RGS6: variants seen among roughly 807,000 people sequenced by gnomAD.
RGS6 encodes regulator of G-protein signaling 6.
Under a neutral mutation model 78.5 loss-of-function variants are expected in RGS6, and 30 were observed. That is an observed-to-expected ratio of 0.38 (90% confidence interval 0.29 to 0.52). The LOEUF (loss-of-function observed/expected upper bound fraction) is 0.52. Among genes scored for constraint, RGS6 ranks in the 20% least tolerant of loss-of-function variants. The pLI, the probability that RGS6 is intolerant of heterozygous loss-of-function variation, is 0.85. For synonymous variants in RGS6, 206 were observed against 206.0 expected (o/e 1.00, Z 0.00); for missense variants, 495 against 609.7 (o/e 0.81, Z 1.98).
At chr14:72,236,416 G>A (rs781528783) in intron 2 of RGS6, among the ~76,000 whole-genome samples, 1 of 152,052 alleles carries the variant, frequency 6.6e-6, no homozygotes, top group Non-Finnish European at 1.5e-5. Flanking sequence ...GGTAAAATGT[G>A]CGCACAGCAA....
the RGS6 span, among the ~76,000 whole-genome samples, chr14:72,605,388 T>G: frequency 6.6e-6 from 1 of 152,166 alleles, no homozygotes; most frequent in African/African-American, 2.4e-5. Flanking sequence ...GACACCTGGA[T>G]CTCAGCTTGC....
intron 17 of RGS6, chr14:72,540,561 ATGT>A (rs1022173561): frequency 1.2e-5 from 19 of 1,548,672 alleles, no homozygotes; most frequent in Non-Finnish European, 1.6e-5. Flanking sequence ...TCGCGAGCTA[ATGT>A]TGCTGTGTAG....
the RGS6 span, among the ~76,000 whole-genome samples, chr14:72,588,155 G>A: frequency 6.6e-6 from 1 of 152,132 alleles, no homozygotes; most frequent in African/African-American, 2.4e-5. Flanking sequence ...ATTGGGACGA[G>A]CTCTCATCTG....
At chr14:72,056,187 TG>T (rs2093609474) in intron 2 of RGS6, among the ~76,000 whole-genome samples, 1 of 152,094 alleles carries the variant, frequency 6.6e-6, no homozygotes. Flanking sequence ...CATTTACAGA[TG>T]GGGGGATGTG....
At chr14:72,179,510 G>A (rs750728559) in intron 2 of RGS6, among the ~76,000 whole-genome samples, 65 of 152,218 alleles carry the variant, frequency 4.3e-4, no homozygotes, top group Non-Finnish European at 7.2e-4. Context: ...GCATGGCAGG[G>A]ACAGGAAAGG....
intron 17 of RGS6, among the ~76,000 whole-genome samples, chr14:72,555,361 T>C (rs1414123481): frequency 6.6e-6 from 1 of 152,218 alleles, no homozygotes; most frequent in African/African-American, 2.4e-5. Flanking sequence ...CAAAAGCCCC[T>C]TTTGCCAGGC....
At chr14:71,897,294 C>T in the RGS6 span, among the ~76,000 whole-genome samples, 65 of 152,284 alleles carry the variant, frequency 4.3e-4, no homozygotes, top group African/African-American at 1.5e-3. Context: ...TTGGCTCTAG[C>T]AAAGACATGT....
At chr14:72,416,498 G>A (rs913554100) in intron 3 of RGS6, among the ~76,000 whole-genome samples, 3 of 151,990 alleles carry the variant, frequency 2.0e-5, no homozygotes, top group African/African-American at 7.3e-5. Flanking sequence ...CAGTTAATTA[G>A]GTTAACCTAA....
chr14:72,161,937 ATTT>A (rs1395370003), intron 2 of RGS6, among the ~76,000 whole-genome samples: 1 of 152,252 alleles, frequency 6.6e-6, no homozygotes, highest in Non-Finnish European at 1.5e-5. Flanking sequence ...TATCCAGGGT[ATTT>A]GACTTCAAAT....
At chr14:71,909,372 T>G in the RGS6 span, among the ~76,000 whole-genome samples, 1 of 152,168 alleles carries the variant, frequency 6.6e-6, no homozygotes, top group Non-Finnish European at 1.5e-5. Context: ...TATGAAAGTA[T>G]TTGCTATGTT....
chr14:72,311,600 T>G (rs923739144), intron 2 of RGS6, among the ~76,000 whole-genome samples: 3 of 152,236 alleles, frequency 2.0e-5, no homozygotes, highest in Non-Finnish European at 4.4e-5. Context: ...CATTTCCTGG[T>G]GATCTGGTAA....
intron 2 of RGS6, among the ~76,000 whole-genome samples, chr14:72,038,840 A>G (rs1348475693): frequency 6.6e-6 from 1 of 152,224 alleles, no homozygotes; most frequent in Non-Finnish European, 1.5e-5. Context: ...CATGTAAACA[A>G]TAATTTCATT....
intron 2 of RGS6, among the ~76,000 whole-genome samples, chr14:72,309,120 C>T (rs2067946466): frequency 6.6e-6 from 1 of 152,174 alleles, no homozygotes; most frequent in South Asian, 2.1e-4. Context: ...CCACACCCCT[C>T]CTTGCAAGTC....
chr14:72,512,068 C>T (rs2096885031), intron 14 of RGS6, among the ~76,000 whole-genome samples: 1 of 152,148 alleles, frequency 6.6e-6, no homozygotes, highest in African/African-American at 2.4e-5. Flanking sequence ...TCCACCCCCT[C>T]CATGGTCCCT....
the RGS6 span, among the ~76,000 whole-genome samples, chr14:72,616,119 G>A: frequency 3.3e-5 from 5 of 152,288 alleles, no homozygotes; most frequent in Non-Finnish European, 1.5e-5. Flanking sequence ...ATGTCACCTT[G>A]AATACCTGCA....
At chr14:72,561,820 C>T (rs2097680117) in intron 17 of RGS6, among the ~76,000 whole-genome samples, 1 of 152,194 alleles carries the variant, frequency 6.6e-6, no homozygotes, top group South Asian at 2.1e-4. Flanking sequence ...AGTGCACTGC[C>T]CTGGGGCCTA....
chr14:72,227,541 G>A (rs1473967230), intron 2 of RGS6, among the ~76,000 whole-genome samples: 1 of 152,164 alleles, frequency 6.6e-6, no homozygotes, highest in Admixed American at 6.5e-5. Context: ...AGGCTTTGAG[G>A]CCCCTTCCCA....
At chr14:71,870,291 G>A in the RGS6 span, among the ~76,000 whole-genome samples, 1 of 152,114 alleles carries the variant, frequency 6.6e-6, no homozygotes, top group Non-Finnish European at 1.5e-5. Context: ...ACATGAGTCT[G>A]ATTCACCTAG....
intron 3 of RGS6, among the ~76,000 whole-genome samples, chr14:72,440,624 G>A (rs1171219180): frequency 6.6e-6 from 1 of 152,008 alleles, no homozygotes; most frequent in African/African-American, 2.4e-5. Flanking sequence ...TGTTGGCCAG[G>A]CTGGTCTCAA....
Sources: gnomAD v4.1 joint callset for allele counts (sites outside exome capture counted in the v4.1 genomes callset) on GRCh38, gnomAD v4.1.1 for gene constraint, MANE v1.5 for transcripts, NCBI Gene and HGNC (gene_info 2026-07-23, HGNC 2026-07-21) for gene names.